VPS13B: variants seen among roughly 807,000 people sequenced by gnomAD.
VPS13B encodes the protein intermembrane lipid transfer protein VPS13B.
VPS13B carries 285 observed loss-of-function variants against 426.4 expected under a neutral mutation model. The ratio of observed to expected loss-of-function variants is 0.67; its 90% CI spans 0.61 to 0.74. VPS13B has a LOEUF of 0.74. VPS13B is among the 30% of genes least tolerant of loss of function. The pLI is 0.00. For missense variants in VPS13B, 4,537 were observed against 4,782.6 expected (o/e 0.95, Z 1.51); for synonymous variants, 1,676 against 1,676.4 (o/e 1.00, Z 0.01).
intron 2 of VPS13B, among the ~76,000 whole-genome samples, chr8:99,033,841 A>G (rs1842624601): frequency 6.6e-6 from 1 of 152,132 alleles, no homozygotes; most frequent in South Asian, 2.1e-4. Context: ...GGTTGCAGTG[A>G]GCCAAGATCA....
At chr8:99,827,441 C>T (rs1353305978) in intron 51 of VPS13B, among the ~76,000 whole-genome samples, 2 of 149,644 alleles carry the variant, frequency 1.3e-5, no homozygotes, top group African/African-American at 2.5e-5. Context: ...TTTATTGTGT[C>T]TGTTTGAGTC....
intron 2 of VPS13B, among the ~76,000 whole-genome samples, chr8:99,029,520 C>T (rs958258066): frequency 3.3e-5 from 5 of 152,126 alleles, no homozygotes; most frequent in African/African-American, 1.2e-4. Context: ...GTCTGCAATC[C>T]CGGCACCTTG....
At chr8:99,184,828 C>T (rs1248303116) in intron 16 of VPS13B, among the ~76,000 whole-genome samples, 2 of 151,810 alleles carry the variant, frequency 1.3e-5, no homozygotes, top group African/African-American at 4.8e-5. Context: ...CCGTCTCTAC[C>T]AAAAATACAA....
Position 99,624,119 on chromosome 8 carries a change from T to C in VPS13B, c.5221-17692T>C, listed in dbSNP as rs749590994. Among the ~76,000 whole-genome samples the C allele has an allele frequency of 3.3e-5, 5 of 149,746 alleles. No individual in the cohort carries two copies. In the East Asian group the frequency reaches 5.9e-4, roughly 18 times the overall value. On this transcript the variant is annotated intron_variant, in intron 33 of 61. Coordinates refer to ENST00000357162, the MANE Select transcript of VPS13B (RefSeq NM_152564.5). The stretch of plus-strand genomic sequence containing the variant: ...TATGTGGGTAGATGGGATACAGAGA[T>C]TGGAAAATGTCATTGGTGGGTTATG...
intron 17 of VPS13B, among the ~76,000 whole-genome samples, chr8:99,220,689 G>A (rs1815657901): frequency 6.6e-6 from 1 of 151,238 alleles, no homozygotes; most frequent in Non-Finnish European, 1.5e-5. Context: ...ACATGACTTA[G>A]TACATTGGTG....
In VPS13B at chr8:99,103,056, T is replaced by C; in HGVS notation, c.516T>C (p.Asn172=). ...YVEDDIVLSV[N]ITSAECYTVG... is the part of the protein sequence containing the mutation. ...AAGATGATATCGTCCTTTCCGTCAATATCACTTCTGCAGAATGTTATACAG... is the reference window on the plus strand; with the variant it reads ...AAGATGATATCGTCCTTTCCGTCAACATCACTTCTGCAGAATGTTATACAG... Residue 172 remains asparagine (N), a synonymous_variant, in exon 5 of 62, where the codon AAT becomes AAC. Coordinates refer to ENST00000357162, the MANE Select transcript of VPS13B (RefSeq NM_152564.5). 1 of 1,614,084 alleles carries C rather than the reference T, an allele frequency of 6.2e-7. No homozygotes were observed. The highest frequency in any genetic ancestry group is 1.7e-4 in the Middle Eastern group (1 of 6,058).
intron 30 of VPS13B, among the ~76,000 whole-genome samples, chr8:99,542,343 T>A (rs1358063385): frequency 6.6e-6 from 1 of 152,202 alleles, no homozygotes; most frequent in African/African-American, 2.4e-5. Context: ...TAAGGGAGAT[T>A]TTCTCAGAGA....
rs1337131505 is a variant in VPS13B at position 99,103,081 on chromosome 8, G to A, written c.541G>A (p.Val181Ile). 6.2e-7 allele frequency: 1 copy of A among 1,613,996 alleles called. No homozygotes were observed. Among genetic ancestry groups the A allele is most frequent in the East Asian group, 2.2e-5 (1 of 44,842 alleles). The change falls in exon 5 of 62, where the codon GTA (valine) becomes ATA (isoleucine). Residue 181 changes from valine to isoleucine, a missense_variant. Coordinates refer to ENST00000357162, the MANE Select transcript of VPS13B (RefSeq NM_152564.5). ...TATCACTTCTGCAGAATGTTATACAGTAGGTGAATTATGGGATCGTGCATT... is the reference window on the plus strand; with the variant it reads ...TATCACTTCTGCAGAATGTTATACAATAGGTGAATTATGGGATCGTGCATT... ...VNITSAECYT[V>I]GELWDRAFMD...
chr8:99,282,063 A>G (rs920776223), intron 19 of VPS13B, among the ~76,000 whole-genome samples: 1 of 152,000 alleles, frequency 6.6e-6, no homozygotes, highest in Non-Finnish European at 1.5e-5. Context: ...TCCCTATTTC[A>G]TACTTCATTA....
chr8:99,420,211 A>T (rs958490976), intron 21 of VPS13B, among the ~76,000 whole-genome samples: 5 of 152,150 alleles, frequency 3.3e-5, no homozygotes, highest in Non-Finnish European at 7.4e-5. Flanking sequence ...TGACTTTTTG[A>T]TATGATGAAG....
intron 34 of VPS13B, among the ~76,000 whole-genome samples, chr8:99,656,223 A>T (rs574931032): frequency 2.5e-4 from 38 of 152,090 alleles, no homozygotes; most frequent in Non-Finnish European, 5.0e-4. Flanking sequence ...GTGAAATCGA[A>T]CTCACTCTGA....
At chr8:99,686,863 A>G (rs1831429644) in intron 35 of VPS13B, among the ~76,000 whole-genome samples, 2 of 152,062 alleles carry the variant, frequency 1.3e-5, no homozygotes, top group Admixed American at 6.5e-5. Context: ...ACTGTGGGCT[A>G]GCTGGTACCT....
intron 31 of VPS13B, among the ~76,000 whole-genome samples, chr8:99,566,957 G>A (rs1825220054): frequency 6.6e-6 from 1 of 152,010 alleles, no homozygotes; most frequent in African/African-American, 2.4e-5. Flanking sequence ...TCACTGTGTT[G>A]TGATCATAGT....
intron 17 of VPS13B, among the ~76,000 whole-genome samples, chr8:99,230,959 TA>T (rs1309386431): frequency 1.3e-5 from 2 of 152,248 alleles, no homozygotes; most frequent in Non-Finnish European, 2.9e-5. Flanking sequence ...TGCTTACCAT[TA>T]TATCTAGCAG....
chr8:99,648,259 A>G (rs1829673429), intron 34 of VPS13B, among the ~76,000 whole-genome samples: 1 of 152,206 alleles, frequency 6.6e-6, no homozygotes, highest in South Asian at 2.1e-4. Flanking sequence ...ACTTATTAAG[A>G]TTAATTTTGA....
intron 17 of VPS13B, among the ~76,000 whole-genome samples, chr8:99,235,890 ATG>A (rs1816616247): frequency 6.6e-6 from 1 of 152,248 alleles, no homozygotes; most frequent in Non-Finnish European, 1.5e-5. Context: ...GTAGAAAACA[ATG>A]GTAACCACTT....
At chr8:99,576,325 C>T (rs1416698585) in intron 32 of VPS13B, among the ~76,000 whole-genome samples, 6 of 151,860 alleles carry the variant, frequency 4.0e-5, no homozygotes, top group Non-Finnish European at 8.8e-5. Flanking sequence ...CCAATAAAGC[C>T]AAGTTATTTT....
intron 23 of VPS13B, among the ~76,000 whole-genome samples, chr8:99,446,831 G>A (rs1174019858): frequency 6.6e-6 from 1 of 152,176 alleles, no homozygotes; most frequent in Non-Finnish European, 1.5e-5. Context: ...CCAGTACTCA[G>A]AAGATCTTCT....
At chr8:99,738,555 A>C (rs1196741429) in intron 39 of VPS13B, among the ~76,000 whole-genome samples, 3 of 152,250 alleles carry the variant, frequency 2.0e-5, no homozygotes, top group Non-Finnish European at 4.4e-5. Flanking sequence ...TCGTGTATTC[A>C]GAATGAAAGA....
Sources: allele counts gnomAD v4.1 joint callset (sites outside exome capture counted in the v4.1 genomes callset), GRCh38; gene constraint gnomAD v4.1.1; transcripts MANE v1.5; gene names NCBI Gene and HGNC (gene_info 2026-07-23, HGNC 2026-07-21).